The following SLC14A2 variants were observed in gnomAD, a reference collection of about 807,000 sequenced individuals.
SLC14A2 encodes the protein urea transporter 2.
A neutral mutation model predicts 104.6 loss-of-function variants in SLC14A2; 91 were observed. That is an observed-to-expected ratio of 0.87 (90% CI 0.73 to 1.04). The LOEUF (loss-of-function observed/expected upper bound fraction) is 1.04. Among genes scored for constraint, SLC14A2 ranks in the 50% least tolerant of loss-of-function variants. The probability of loss-of-function intolerance (pLI) is 0.00; values close to 1 mark genes in which losing one functional copy is unlikely to be tolerated. For synonymous variants in SLC14A2, 476 were observed against 466.4 expected, an observed-to-expected ratio of 1.02 and a Z score of -0.27; for missense variants, 1,189 against 1,156.0, an observed-to-expected ratio of 1.03 and a Z score of -0.41.
chr18:45,461,287 C>A (rs1259885703), intron 1 of SLC14A2, among the ~76,000 whole-genome samples: 1 of 152,130 alleles, frequency 6.6e-6, no homozygotes, highest in Non-Finnish European at 1.5e-5. Context: ...TTGTGGTTAC[C>A]TTTCAGAGAT....
chr18:45,545,579 A>T (rs2043956732), intron 2 of SLC14A2, among the ~76,000 whole-genome samples: 1 of 152,234 alleles, frequency 6.6e-6, no homozygotes, highest in South Asian at 2.1e-4. Flanking sequence ...TATAATTATC[A>T]AGAAACACGC....
intron 2 of SLC14A2, among the ~76,000 whole-genome samples, chr18:45,578,180 A>T (rs1465099833): frequency 2.0e-5 from 3 of 152,152 alleles, no homozygotes; most frequent in African/African-American, 7.2e-5. Flanking sequence ...TTTCTCCAGG[A>T]GCCCCTTTCT....
At chr18:45,618,261 C>T (rs182553948) in intron 1 of SLC14A2, among the ~76,000 whole-genome samples, 2 of 152,318 alleles carry the variant, frequency 1.3e-5, no homozygotes, top group East Asian at 3.9e-4. Context: ...ACTCTCCTTG[C>T]ATCAATTGCA....
the SLC14A2 span, among the ~76,000 whole-genome samples, chr18:45,204,877 G>A: frequency 6.6e-6 from 1 of 151,940 alleles, no homozygotes; most frequent in African/African-American, 2.4e-5. Flanking sequence ...ACTTTCCTCT[G>A]CCTCACACTC....
chr18:45,188,788 A>G, the SLC14A2 span, among the ~76,000 whole-genome samples: 1 of 152,186 alleles, frequency 6.6e-6, no homozygotes, highest in African/African-American at 2.4e-5. Context: ...GAAATTCCCA[A>G]CATATAGAGA....
intron 1 of SLC14A2, among the ~76,000 whole-genome samples, chr18:45,234,163 C>T (rs1392874621): frequency 1.3e-5 from 2 of 152,100 alleles, no homozygotes; most frequent in Non-Finnish European, 2.9e-5. Context: ...GAAGATCATT[C>T]AAGAAGCTCA....
chr18:45,569,735 A>T (rs1369961006), intron 2 of SLC14A2, among the ~76,000 whole-genome samples: 1 of 152,158 alleles, frequency 6.6e-6, no homozygotes, highest in Non-Finnish European at 1.5e-5. Flanking sequence ...GTCTACCAAG[A>T]GTGTGAGTCC....
chr18:45,524,751 C>A (rs552462586), intron 2 of SLC14A2, among the ~76,000 whole-genome samples: 8 of 152,108 alleles, frequency 5.3e-5, no homozygotes, highest in Non-Finnish European at 1.2e-4. Flanking sequence ...ACTGCTAAGC[C>A]CTTAAATGCC....
intron 2 of SLC14A2, among the ~76,000 whole-genome samples, chr18:45,505,582 A>G (rs1172153850): frequency 2.0e-5 from 3 of 152,110 alleles, no homozygotes. Flanking sequence ...CAATGTGCTA[A>G]TTGCAAGGTC....
chr18:45,320,857 A>G (rs1438211775), intron 1 of SLC14A2, among the ~76,000 whole-genome samples: 1 of 152,226 alleles, frequency 6.6e-6, no homozygotes, highest in Non-Finnish European at 1.5e-5. Flanking sequence ...TTCCAGAAGG[A>G]AAACTGCCTT....
chr18:45,372,988 T>A (rs534774186), intron 1 of SLC14A2, among the ~76,000 whole-genome samples: 1 of 152,294 alleles, frequency 6.6e-6, no homozygotes, highest in South Asian at 2.1e-4. Context: ...ACCAGTCACA[T>A]TTCGAATGCT....
intron 1 of SLC14A2, among the ~76,000 whole-genome samples, chr18:45,435,043 G>C (rs955698203): frequency 6.6e-6 from 1 of 152,114 alleles, no homozygotes; most frequent in Non-Finnish European, 1.5e-5. Flanking sequence ...TCAAGACTCT[G>C]TTTATAATAA....
chr18:45,293,910 C>T (rs2084895622), intron 1 of SLC14A2, among the ~76,000 whole-genome samples: 1 of 152,178 alleles, frequency 6.6e-6, no homozygotes, highest in Non-Finnish European at 1.5e-5. Context: ...AGAAATTCTA[C>T]AATATCCATA....
At chr18:45,524,190 C>T (rs2043558436) in intron 2 of SLC14A2, among the ~76,000 whole-genome samples, 1 of 152,166 alleles carries the variant, frequency 6.6e-6, no homozygotes, top group African/African-American at 2.4e-5. Flanking sequence ...TTACTATTCT[C>T]AGCCTTAGAC....
At chr18:45,420,497 C>T (rs924681273) in intron 1 of SLC14A2, among the ~76,000 whole-genome samples, 1 of 152,112 alleles carries the variant, frequency 6.6e-6, no homozygotes, top group Non-Finnish European at 1.5e-5. Context: ...ATCTTTGCAG[C>T]TCACATGTGG....
the SLC14A2 span, among the ~76,000 whole-genome samples, chr18:45,206,999 G>A: frequency 6.6e-6 from 1 of 152,244 alleles, no homozygotes; most frequent in East Asian, 1.9e-4. Context: ...GCCTGGGAAT[G>A]TTCATCAGTA....
In SLC14A2 at chr18:45,250,755, C is replaced by CTTTTTTTTTTTTT. The variant is rs67864793; in HGVS notation, c.-125+37573_-125+37585dup. Among the ~76,000 whole-genome samples the CTTTTTTTTTTTTT allele has an allele frequency of 3.8e-3, 356 of 93,822 alleles. 10 individuals carry two copies. Among genetic ancestry groups the CTTTTTTTTTTTTT allele is most frequent in the African/African-American group, 0.015 (342 of 22,878 alleles). 61.6% of individuals were successfully genotyped at this position (93,822 alleles called of 152,430 possible). ...GAATCCTCTGGCTAGTGGCTTCTTC[C>CTTTTTTTTTTTTT]TTTTTTTTTTTTTTTTTTTTTGGCT... On this transcript the variant is annotated intron_variant, in intron 1 of 20. Transcript: ENST00000586448.
At chr18:45,516,965 A>G (rs2043449819) in intron 2 of SLC14A2, among the ~76,000 whole-genome samples, 1 of 152,220 alleles carries the variant, frequency 6.6e-6, no homozygotes, top group South Asian at 2.1e-4. Flanking sequence ...CTGGAAGAGA[A>G]GAGAAAGCAC....
At chr18:45,537,450 G>A (rs867729926) in intron 2 of SLC14A2, among the ~76,000 whole-genome samples, 1 of 152,254 alleles carries the variant, frequency 6.6e-6, no homozygotes, top group East Asian at 1.9e-4. Flanking sequence ...GAGAGTCCTG[G>A]ACAGGGAACA....
Sources: allele counts gnomAD v4.1 joint callset (sites outside exome capture counted in the v4.1 genomes callset), GRCh38; gene constraint gnomAD v4.1.1; transcripts MANE v1.5; gene names NCBI Gene and HGNC (gene_info 2026-07-23, HGNC 2026-07-21).